The following CMTM8 variants were observed in gnomAD, a reference collection of about 807,000 sequenced individuals.
CMTM8 encodes the protein CKLF-like MARVEL transmembrane domain-containing protein 8.
In CMTM8, 12 loss-of-function variants were observed where a neutral mutation model predicts 18.6. That is an observed-to-expected ratio of 0.65 (90% CI 0.41 to 1.05). CMTM8 has a LOEUF of 1.05. Among genes scored for constraint, CMTM8 ranks in the 50% least tolerant of loss-of-function variants. The pLI is 0.00. For synonymous variants in CMTM8, 87 were observed against 90.6 expected, an observed-to-expected ratio of 0.96 and a Z score of 0.23; for missense variants, 217 against 227.2, an observed-to-expected ratio of 0.95 and a Z score of 0.29.
At chr3:32,274,682 A>G (rs1702490337) in intron 1 of CMTM8, among the ~76,000 whole-genome samples, 1 of 152,228 alleles carries the variant, frequency 6.6e-6, no homozygotes, top group African/African-American at 2.4e-5. Flanking sequence ...AATTGTCCTA[A>G]TAATGTTCCT....
chr3:32,292,899 A>T (rs538066716), intron 1 of CMTM8, among the ~76,000 whole-genome samples: 2 of 152,148 alleles, frequency 1.3e-5, no homozygotes, highest in African/African-American at 4.8e-5. Context: ...GTGCATTTTG[A>T]TTTTCACCCT....
At chr3:32,273,106 A>G (rs1424180179) in intron 1 of CMTM8, among the ~76,000 whole-genome samples, 1 of 146,172 alleles carries the variant, frequency 6.8e-6, no homozygotes, top group Non-Finnish European at 1.5e-5. Flanking sequence ...AGTATTGGCA[A>G]GGGTGTGGAG....
At chr3:32,313,911 T>C (rs1345059726) in intron 1 of CMTM8, among the ~76,000 whole-genome samples, 2 of 152,144 alleles carry the variant, frequency 1.3e-5, no homozygotes, top group African/African-American at 4.8e-5. Flanking sequence ...AATTTACTGC[T>C]TGAGCCTGGG....
intron 1 of CMTM8, among the ~76,000 whole-genome samples, chr3:32,323,246 C>T (rs980506249): frequency 1.3e-5 from 2 of 152,130 alleles, no homozygotes; most frequent in East Asian, 3.9e-4. Context: ...GGGTAGCTTT[C>T]TACTAGCCAC....
chr3:32,288,784 G>C (rs768583475), intron 1 of CMTM8, among the ~76,000 whole-genome samples: 4 of 152,238 alleles, frequency 2.6e-5, no homozygotes, highest in African/African-American at 9.6e-5. Context: ...ACAGGCGTGA[G>C]CCACTATATC....
At chr3:32,260,035 G>T (rs1050634552) in intron 1 of CMTM8, 2 of 1,142,124 alleles carry the variant, frequency 1.8e-6, no homozygotes, top group Admixed American at 3.7e-5. Flanking sequence ...ACAAGGCCCT[G>T]CTGAACATCA....
At chr3:32,328,368 T>A (rs1696203336) in intron 1 of CMTM8, among the ~76,000 whole-genome samples, 3 of 25,546 alleles carry the variant, frequency 1.2e-4, no homozygotes, top group East Asian at 1.3e-3. Context: ...AGACCCTGTC[T>A]CCAAAAAAAA....
At chr3:32,350,120 G>A (rs1696676144) in intron 1 of CMTM8, among the ~76,000 whole-genome samples, 1 of 152,156 alleles carries the variant, frequency 6.6e-6, no homozygotes, top group Non-Finnish European at 1.5e-5. Context: ...TCACCCAGCA[G>A]CTTGCAGTAG....
chr3:32,359,973 C>A (rs1696891213), intron 2 of CMTM8, among the ~76,000 whole-genome samples: 1 of 152,174 alleles, frequency 6.6e-6, no homozygotes, highest in Non-Finnish European at 1.5e-5. Flanking sequence ...CTGCTCCAGG[C>A]CCCCTCTGCC....
chr3:32,275,185 T>G (rs1034606984), intron 1 of CMTM8, among the ~76,000 whole-genome samples: 2 of 136,000 alleles, frequency 1.5e-5, no homozygotes, highest in African/African-American at 5.2e-5. Context: ...GGGTGTTTGG[T>G]TTTTTTTTTT....
chr3:32,306,485 A>G (rs1416405552), intron 1 of CMTM8, among the ~76,000 whole-genome samples: 1 of 152,240 alleles, frequency 6.6e-6, no homozygotes, highest in Non-Finnish European at 1.5e-5. Context: ...GCCATTGATT[A>G]GTCAGAGTAT....
intron 2 of CMTM8, among the ~76,000 whole-genome samples, chr3:32,366,057 C>T (rs576848624): frequency 1.1e-4 from 17 of 152,244 alleles, no homozygotes; most frequent in Admixed American, 4.6e-4. Flanking sequence ...TTTCCTCCAA[C>T]CCAGGCATTC....
intron 1 of CMTM8, among the ~76,000 whole-genome samples, chr3:32,265,314 C>T (rs540230975): frequency 6.6e-6 from 1 of 152,292 alleles, no homozygotes; most frequent in South Asian, 2.1e-4. Context: ...CAAAACCGCT[C>T]AACTACATGG....
At chr3:32,290,542 G>A (rs1575162069) in intron 1 of CMTM8, among the ~76,000 whole-genome samples, 1 of 152,326 alleles carries the variant, frequency 6.6e-6, no homozygotes, top group East Asian at 1.9e-4. Context: ...GGCCAGCTTT[G>A]GAGGACTTTG....
Position 32,298,898 on chromosome 3 carries a change from TACACACACACACACATAC to T in CMTM8, c.148-58465_148-58448del, listed in dbSNP as rs1361545897. Reference sequence around the variant, plus strand: ...ACACACATACATATATATACACACATACACACACACACACATACACACACACATATATATATATATATG... The same window carrying T: ...ACACACATACATATATATACACACATACACACACATATATATATATATATG... On this transcript the variant is annotated intron_variant, in intron 1 of 3. Coordinates refer to ENST00000307526, the MANE Select transcript of CMTM8 (RefSeq NM_178868.5). 9.8e-3 allele frequency among the ~76,000 whole-genome samples: 1,338 copies of T among 136,018 alleles called. 13 individuals carry two copies. The highest frequency in any genetic ancestry group is 0.035 in the Middle Eastern group (9 of 260). The allele number at this position is 136,018 out of a possible 152,430, so 89.2% of individuals were successfully genotyped here.
rs1559358504 is a variant in CMTM8, at chr3:32,238,902, G to T, written c.-71G>T. 41 of 1,435,020 alleles carry T rather than the reference G, an allele frequency of 2.9e-5. No individual in the cohort carries two copies. Among genetic ancestry groups the T allele is most frequent in the Non-Finnish European group, 3.8e-5 (41 of 1,083,414 alleles). 88.9% of individuals were successfully genotyped at this position (1,435,020 alleles called of 1,614,324 possible). A position where few individuals can be genotyped will look rare whatever the true frequency, so the allele number is the denominator to read the frequency against. On this transcript the variant is annotated 5_prime_UTR_variant, in exon 1 of 4. Transcript: ENST00000307526. ...TCCCCCGCGCCTGTGTCCCCAGGGC[G>T]CAGGGCCGCGCGTCCAGCCCCAGAC...
chr3:32,347,661 A>T (rs1241934235), intron 1 of CMTM8, among the ~76,000 whole-genome samples: 1 of 151,758 alleles, frequency 6.6e-6, no homozygotes. Context: ...CAGAGTTCCC[A>T]TTTTTATCTT....
intron 1 of CMTM8, among the ~76,000 whole-genome samples, chr3:32,309,638 G>A (rs1455388505): frequency 1.3e-5 from 2 of 152,026 alleles, no homozygotes; most frequent in African/African-American, 4.8e-5. Flanking sequence ...CCCCGTGCTG[G>A]ACTCTTGTGT....
At chr3:32,297,489 A>AATACAGAGATACTATAAACATACCCCCC (rs1702902426) in intron 1 of CMTM8, among the ~76,000 whole-genome samples, 1 of 151,884 alleles carries the variant, frequency 6.6e-6, no homozygotes, top group Non-Finnish European at 1.5e-5. Flanking sequence ...CTGTACCTAA[A>AATACAGAGATACTATAAACATACCCCCC]CTTTTGATGA....
Sources: gnomAD v4.1 joint callset for allele counts (sites outside exome capture counted in the v4.1 genomes callset) on GRCh38, gnomAD v4.1.1 for gene constraint, MANE v1.5 for transcripts, NCBI Gene and HGNC (gene_info 2026-07-23, HGNC 2026-07-21) for gene names.